The following SEZ6L2 variants were observed in gnomAD, a reference collection of about 807,000 sequenced individuals.
SEZ6L2 encodes seizure 6-like protein 2.
SEZ6L2 carries 44 observed loss-of-function variants against 97.0 expected under a neutral mutation model. The observed-to-expected ratio is 0.45, with a 90% CI of 0.36 to 0.58. The LOEUF (loss-of-function observed/expected upper bound fraction) is 0.58, where lower values mean the gene tolerates loss of function less well. Ranked by LOEUF, SEZ6L2 falls within the 20% of genes least tolerant of loss-of-function variation. The pLI is 0.00. For synonymous variants in SEZ6L2, 543 were observed against 546.1 expected (o/e 0.99, Z 0.08); for missense variants, 1,086 against 1,233.3 (o/e 0.88, Z 1.79).
rs373585420 is a variant in SEZ6L2 at position 29,873,614 on chromosome 16, C to G, written c.2220G>C (p.Glu740Asp). ...QYRCLPGYSL[E>D]GAAMLTCYSR... The stretch of plus-strand genomic sequence containing the variant: ...TGTAGCAGGTGAGCATGGCTGCCCC[C>G]TCGAGGCTGTACCCTGGCAGGCAGC... The change falls in exon 13 of 18, where the codon GAG becomes GAC. Residue 740 changes from glutamate to aspartate, a missense_variant. Transcript: ENST00000617533. The surrounding 1 kb of genome is among the most constrained non-coding windows in gnomAD (Gnocchi z 4.3). 1.4e-5 allele frequency: 23 copies of G among 1,613,976 alleles called. No individual in the cohort carries two copies. Among genetic ancestry groups the G allele is most frequent in the African/African-American group, 2.7e-5 (2 of 74,924 alleles).
Position 29,895,425 on chromosome 16 carries a change from G to A in SEZ6L2, c.687C>T (p.Leu229=), listed in dbSNP as rs750172650. Residue 229 remains leucine, a synonymous_variant, in exon 5 of 18, where the codon CTC becomes CTT. Transcript: ENST00000617533. ...GGGATCCCCCACCAGCCAGCACCAG[G>A]AGCTCCTCTTCCTGTGACAGGTTCA... ...QTLNLSQEEE[L]LVLAGGGSPG... is the part of the protein sequence containing the mutation. The A allele has an allele frequency of 3.7e-6, 6 of 1,614,026 alleles. No homozygotes were observed. In the East Asian group the frequency reaches 1.3e-4, roughly 36 times the overall value.
At position 29,895,406 on chromosome 16, in the gene SEZ6L2, C is replaced by T. The variant is rs201118298; in HGVS notation, c.706G>A (p.Gly236Arg). The part of the protein sequence containing the change: ...EEELLVLAGG[G>R]SPGLAPRLLA... ...AGTCGGGGGGCCAGGCCTGGGGATCCCCCACCAGCCAGCACCAGGAGCTCC... is the reference window on the plus strand; with the variant it reads ...AGTCGGGGGGCCAGGCCTGGGGATCTCCCACCAGCCAGCACCAGGAGCTCC... The change falls in exon 5 of 18, where the codon GGA (glycine) becomes AGA (arginine). Residue 236 changes from glycine to arginine, a missense_variant. Coordinates refer to ENST00000617533, the MANE Select transcript of SEZ6L2 (RefSeq NM_001243332.2). 48 of 1,614,044 alleles carry T rather than the reference C, an allele frequency of 3.0e-5. No individual in the cohort carries two copies. In the East Asian group the frequency reaches 9.4e-4, roughly 31 times the overall value.
At chr16:29,890,008 A>C (rs1335706059) in intron 5 of SEZ6L2, among the ~76,000 whole-genome samples, 1 of 151,988 alleles carries the variant, frequency 6.6e-6, no homozygotes, top group Non-Finnish European at 1.5e-5. Context: ...TCCCGGGTTC[A>C]AGCGGTTCTC....
intron 5 of SEZ6L2, among the ~76,000 whole-genome samples, chr16:29,891,294 C>T (rs912553760): frequency 2.0e-5 from 3 of 150,304 alleles, no homozygotes; most frequent in African/African-American, 7.3e-5. Context: ...GAACTCCTGA[C>T]CTCAGGTGAT....
chr16:29,896,788 T>C (rs1337914017), intron 3 of SEZ6L2, 34 bp downstream of exon 3: 2 of 1,598,284 alleles, frequency 1.3e-6, no homozygotes, highest in South Asian at 1.1e-5. Flanking sequence ...ACCTCTCCGG[T>C]CCTCCCACCC....
intron 15 of SEZ6L2, 38 bp downstream of exon 15, chr16:29,872,667 C>T: frequency 6.2e-7 from 1 of 1,610,306 alleles, no homozygotes; most frequent in Non-Finnish European, 8.5e-7. Context: ...GCCCTCCCAA[C>T]CTGGCCAGCC....
At position 29,884,678 on chromosome 16, in the gene SEZ6L2, C is replaced by T. The variant is rs551276932; in HGVS notation, c.1372+908G>A. On this transcript the variant is annotated intron_variant, in intron 8 of 17. Coordinates refer to ENST00000617533, the MANE Select transcript of SEZ6L2 (RefSeq NM_001243332.2). ...CCTGTAATCCCAACACTTTGGGAGGCGGAGGCGGGCAGATCACCTGAGTTC... is the reference window on the plus strand; with the variant it reads ...CCTGTAATCCCAACACTTTGGGAGGTGGAGGCGGGCAGATCACCTGAGTTC... Among the ~76,000 whole-genome samples, 11 of 152,164 alleles carry T rather than the reference C, an allele frequency of 7.2e-5. No individual in the cohort carries two copies. The South Asian group carries it at 1.2e-3, about 17-fold the overall frequency.
intron 12 of SEZ6L2, among the ~76,000 whole-genome samples, chr16:29,875,129 C>A (rs1382433419): frequency 1.3e-5 from 2 of 152,192 alleles, no homozygotes; most frequent in Non-Finnish European, 2.9e-5. Context: ...CCCACCTTGG[C>A]CTTCCAAAGC....
Position 29,895,704 on chromosome 16 carries a change from T to G in SEZ6L2, c.651+17A>C, listed in dbSNP as rs368918292. ...AAGGCTTGGAAGCTGCACAGTCACA[T>G]GCTTTGGTCCAGTTACCTGGATCTC... On this transcript the variant is annotated intron_variant, in intron 4 of 17. Coordinates refer to ENST00000617533, the MANE Select transcript of SEZ6L2 (RefSeq NM_001243332.2). 2 of 1,608,892 alleles carry G rather than the reference T, an allele frequency of 1.2e-6. No individual in the cohort carries two copies. Among genetic ancestry groups the G allele is most frequent in the African/African-American group, 1.3e-5 (1 of 74,734 alleles).
At chr16:29,886,324 G>A (rs1283000707) in intron 7 of SEZ6L2, among the ~76,000 whole-genome samples, 1 of 152,062 alleles carries the variant, frequency 6.6e-6, no homozygotes, top group Admixed American at 6.6e-5. Context: ...AGCTGAATCC[G>A]TGCCACTGCA....
intron 5 of SEZ6L2, among the ~76,000 whole-genome samples, chr16:29,889,969 C>T (rs749604337): frequency 6.6e-6 from 1 of 151,908 alleles, no homozygotes; most frequent in African/African-American, 2.4e-5. Flanking sequence ...AGTGCATTGG[C>T]GCAATCTCGG....
At chr16:29,886,920 G>A (rs1055592851) in intron 7 of SEZ6L2, among the ~76,000 whole-genome samples, 12 of 152,012 alleles carry the variant, frequency 7.9e-5, no homozygotes, top group African/African-American at 1.9e-4. Context: ...GGTGGCTCAC[G>A]CCTATAATTC....
In SEZ6L2 at chr16:29,873,307, G is replaced by A. The variant is rs931025696; in HGVS notation, c.2421C>T (p.Gly807=). The A allele has an allele frequency of 1.9e-6, 3 of 1,614,190 alleles. No homozygotes were observed. Among genetic ancestry groups the A allele is most frequent in the Non-Finnish European group, 2.5e-6 (3 of 1,180,042 alleles). Residue 807 remains glycine, a synonymous_variant, in exon 14 of 18, where the codon GGC becomes GGT. Transcript: ENST00000617533. This position sits in a 1 kb window ranked among gnomAD's most constrained non-coding sequence, Gnocchi z 4.3. Reference sequence around the variant, plus strand: ...CGGGCACACAGGTGATGGTGACCTCGCCGATAAGCTCAAAGCCCTCATAGC... The same window carrying A: ...CGGGCACACAGGTGATGGTGACCTCACCGATAAGCTCAAAGCCCTCATAGC... ...FFCYEGFELI[G]EVTITCVPGH... is the part of the protein sequence containing the mutation.
chr16:29,874,695 C>T (rs1199892850), intron 12 of SEZ6L2, among the ~76,000 whole-genome samples: 3 of 150,658 alleles, frequency 2.0e-5, no homozygotes, highest in East Asian at 1.9e-4. Context: ...CTCAGCCTCC[C>T]GAGTAGCTGC....
Position 29,876,469 on chromosome 16 carries a change from G to A in SEZ6L2, c.2104+287C>T, listed in dbSNP as rs1342485865. On this transcript the variant is annotated intron_variant, in intron 12 of 17. Transcript: ENST00000617533. This position sits in a 1 kb window ranked among gnomAD's most constrained non-coding sequence, Gnocchi z 6.5. ...CGCAGAGGAGGGGTCAGGAGGGGAC[G>A]GGGCGGGGCCGTGAGACGAGGAAAC... 6.6e-6 allele frequency among the ~76,000 whole-genome samples: 1 copy of A among 151,864 alleles called. No individual in the cohort carries two copies. Among genetic ancestry groups the A allele is most frequent in the Admixed American group, 6.6e-5 (1 of 15,240 alleles).
chr16:29,874,682 T>G (rs1453637066), intron 12 of SEZ6L2, among the ~76,000 whole-genome samples: 1 of 148,462 alleles, frequency 6.7e-6, no homozygotes, highest in Non-Finnish European at 1.5e-5. Flanking sequence ...GAGATTCTCC[T>G]GCCTCAGCCT....
intron 8 of SEZ6L2, 64 bp downstream of exon 8, chr16:29,885,522 G>T: frequency 6.5e-7 from 1 of 1,540,262 alleles, no homozygotes; most frequent in Non-Finnish European, 8.9e-7. Flanking sequence ...TTCCGACTAT[G>T]CTTGGTGTCA....
rs1229636742 is a variant in SEZ6L2, at chr16:29,888,730, A to C, written c.854-5T>G. On this transcript the variant is annotated splice_polypyrimidine_tract_variant and splice_region_variant and intron_variant, in intron 5 of 17. Transcript: ENST00000617533. ...AGCCACAGCTCAGGAGGTAGGCTGC[A>C]CCAGACAGACAGCGGGTAGCAGGGC... 7 of 1,607,880 alleles carry C rather than the reference A, an allele frequency of 4.4e-6. 1 individual carries two copies. Among genetic ancestry groups the C allele is most frequent in the Non-Finnish European group, 5.9e-6 (7 of 1,176,978 alleles).
intron 12 of SEZ6L2, among the ~76,000 whole-genome samples, chr16:29,875,952 T>C (rs1330306019): frequency 6.6e-6 from 1 of 151,936 alleles, no homozygotes; most frequent in Non-Finnish European, 1.5e-5. Flanking sequence ...CACTCCCAGC[T>C]CCTTTAAATG....
Sources: allele counts gnomAD v4.1 joint callset (sites outside exome capture counted in the v4.1 genomes callset), GRCh38; gene constraint gnomAD v4.1.1; non-coding constraint Gnocchi (gnomAD v3.1); transcripts MANE v1.5; gene names NCBI Gene and HGNC (gene_info 2026-07-23, HGNC 2026-07-21).